Variants in TTBK1 observed in about 807,000 individuals in gnomAD.
TTBK1 encodes the protein tau tubulin kinase 1, also known as tau-tubulin kinase 1.
In TTBK1, 34 loss-of-function variants were observed where a neutral mutation model predicts 108.5. That is an observed-to-expected ratio of 0.31 (90% CI 0.24 to 0.42). The LOEUF (loss-of-function observed/expected upper bound fraction) is 0.42. TTBK1 is among the 10% of genes least tolerant of loss of function. The pLI is 1.00. For synonymous variants in TTBK1, 809 were observed against 795.1 expected, an observed-to-expected ratio of 1.02 and a Z score of -0.29; for missense variants, 1,539 against 1,826.0, an observed-to-expected ratio of 0.84 and a Z score of 2.86.
chr6:43,247,391 AGCGGG>A (rs1777122446), intron 2 of TTBK1, among the ~76,000 whole-genome samples: 1 of 151,976 alleles, frequency 6.6e-6, no homozygotes, highest in African/African-American at 2.4e-5. Flanking sequence ...CCTGCCTCGG[AGCGGG>A]GGCGTGAGGG....
chr6:43,252,941 A>G, intron 3 of TTBK1, 55 bp downstream of exon 3: 1 of 1,596,470 alleles, frequency 6.3e-7, no homozygotes, highest in African/African-American at 1.3e-5. Context: ...CCAGGGGCTA[A>G]GAGAGGTGAT....
In TTBK1 at chr6:43,285,346, A is replaced by G. The variant is rs577207903; in HGVS notation, c.3936A>G (p.Gly1312=). 17 of 1,283,642 alleles carry G rather than the reference A, an allele frequency of 1.3e-5. No homozygotes were observed. The highest frequency in any genetic ancestry group is 1.7e-5 in the Non-Finnish European group (17 of 1,020,114). 79.5% of individuals were successfully genotyped at this position (1,283,642 alleles called of 1,614,324 possible). The change falls in exon 15 of 15, where the codon GGA becomes GGG. Residue 1312 remains glycine, a synonymous_variant. Transcript: ENST00000259750. The surrounding 1 kb of genome is among the most constrained non-coding windows in gnomAD (Gnocchi z 4.7). ...AQRATTKGRA[G]GAEGRAGAR ...GCGCAACAACCAAAGGCCGGGCAGG[A>G]GGCGCGGAGGGCCGGGCTGGGGCCA... is the stretch of plus-strand genomic sequence containing the variant.
chr6:43,244,543 AT>A (rs914812758), intron 1 of TTBK1, among the ~76,000 whole-genome samples: 1 of 152,162 alleles, frequency 6.6e-6, no homozygotes, highest in Non-Finnish European at 1.5e-5. Context: ...CAAGTGTCCC[AT>A]GTTTGTATCA....
At chr6:43,251,939 T>C (rs1035663657) in intron 2 of TTBK1, among the ~76,000 whole-genome samples, 1 of 152,118 alleles carries the variant, frequency 6.6e-6, no homozygotes. Context: ...TGGTTGCCAA[T>C]CCCAGGAAGT....
chr6:43,250,350 T>A (rs1380723378), intron 2 of TTBK1, among the ~76,000 whole-genome samples: 3 of 63,074 alleles, frequency 4.8e-5, no homozygotes, highest in Admixed American at 2.9e-4. Flanking sequence ...TGGCTTTGCT[T>A]TTTTTTTTTT....
chr6:43,285,283 C>A lies in TTBK1; in HGVS notation c.3873C>A (p.Gly1291=). ...AQPDGTPSPG[G]SKKGPRGKLQ... The stretch of plus-strand genomic sequence containing the variant: ...CTGATGGCACCCCCTCCCCCGGGGG[C>A]TCCAAGAAAGGACCCAGAGGGAAAC... Residue 1291 remains glycine (G), a synonymous_variant, in exon 15 of 15, where the codon GGC becomes GGA. Coordinates refer to ENST00000259750, the MANE Select transcript of TTBK1 (RefSeq NM_032538.3). The surrounding 1 kb of genome is among the most constrained non-coding windows in gnomAD (Gnocchi z 4.7). The A allele has an allele frequency of 7.7e-7, 1 of 1,292,512 alleles. No individual in the cohort carries two copies. Among genetic ancestry groups the A allele is most frequent in the Non-Finnish European group, 9.8e-7 (1 of 1,024,058 alleles). 80.1% of individuals were successfully genotyped at this position (1,292,512 alleles called of 1,614,324 possible). A position where few individuals can be genotyped will look rare whatever the true frequency, so the allele number is the denominator to read the frequency against.
chr6:43,265,522 C>T lies in TTBK1; in HGVS notation c.1986+2172C>T, dbSNP rs1039290505. Among the ~76,000 whole-genome samples, 1 of 152,238 alleles carries T rather than the reference C, an allele frequency of 6.6e-6. No homozygotes were observed. The highest frequency in any genetic ancestry group is 1.5e-5 in the Non-Finnish European group (1 of 68,036). ...GGAGGAGCAGCCCTGGCAGACCTGG[C>T]AGTCAAGTGGGCTGGCACCATTGCG... On this transcript the variant is annotated intron_variant, in intron 13 of 14. Transcript: ENST00000259750. The surrounding 1 kb of genome is among the most constrained non-coding windows in gnomAD (Gnocchi z 4.1).
At chr6:43,274,928 C>T (rs905901580) in intron 13 of TTBK1, among the ~76,000 whole-genome samples, 1 of 152,122 alleles carries the variant, frequency 6.6e-6, no homozygotes, top group Non-Finnish European at 1.5e-5. Flanking sequence ...AGGACTCCTT[C>T]CTACAACCTT....
chr6:43,269,990 G>T lies in TTBK1; in HGVS notation c.1986+6640G>T, dbSNP rs1046398117. 71 of 1,429,418 alleles carry T rather than the reference G, an allele frequency of 5.0e-5. No individual in the cohort carries two copies. Among genetic ancestry groups the T allele is most frequent in the South Asian group, 3.4e-4 (23 of 67,462 alleles). 88.5% of individuals were successfully genotyped at this position (1,429,418 alleles called of 1,614,324 possible). ...CCTCCTGGAGGGGGCAGGTGGGGGG[G>T]GGTGGGGAGCAGGCAGAGGACCATG... On this transcript the variant is annotated intron_variant, in intron 13 of 14. Coordinates refer to ENST00000259750, the MANE Select transcript of TTBK1 (RefSeq NM_032538.3). The surrounding 1 kb of genome is among the most constrained non-coding windows in gnomAD (Gnocchi z 4.8).
Position 43,265,725 on chromosome 6 carries a change from G to A in TTBK1, c.1986+2375G>A, listed in dbSNP as rs1777658822. ...GCACAATAGGTTGTACCCGTAGGAA[G>A]TGCAGAGTCTAGGGAGGGTGACAGA... On this transcript the variant is annotated intron_variant, in intron 13 of 14. Coordinates refer to ENST00000259750, the MANE Select transcript of TTBK1 (RefSeq NM_032538.3). This position sits in a 1 kb window ranked among gnomAD's most constrained non-coding sequence, Gnocchi z 4.1. Among the ~76,000 whole-genome samples, 1 of 152,206 alleles carries A rather than the reference G, an allele frequency of 6.6e-6. No individual in the cohort carries two copies.
rs1388305259 is a variant in TTBK1 at position 43,259,355 on chromosome 6, A to C, written c.1248+86A>C. The C allele has an allele frequency of 6.8e-6, 9 of 1,331,698 alleles. No homozygotes were observed. The highest frequency in any genetic ancestry group is 9.2e-6 in the Non-Finnish European group (9 of 981,472). The allele number at this position is 1,331,698 out of a possible 1,614,324, so 82.5% of individuals were successfully genotyped here. Reference sequence around the variant, plus strand: ...TTGTGCCCCTGCCCTGTTCCTCCTAAGCACCCTGTCCCCGGCCATCTGCCT... The same window carrying C: ...TTGTGCCCCTGCCCTGTTCCTCCTACGCACCCTGTCCCCGGCCATCTGCCT... On this transcript the variant is annotated intron_variant, in intron 11 of 14. Transcript: ENST00000259750. This position sits in a 1 kb window ranked among gnomAD's most constrained non-coding sequence, Gnocchi z 6.7.
At chr6:43,261,575 G>A (rs1452891949) in intron 12 of TTBK1, among the ~76,000 whole-genome samples, 1 of 152,118 alleles carries the variant, frequency 6.6e-6, no homozygotes, top group Non-Finnish European at 1.5e-5. Context: ...AGCACTTTGG[G>A]AGGCCAAGGT....
intron 13 of TTBK1, chr6:43,272,200 G>GC (rs1011536936): frequency 2.0e-6 from 2 of 985,052 alleles, no homozygotes; most frequent in Non-Finnish European, 2.4e-6. Context: ...GTGGGCAAGG[G>GC]CCCCCCCACC....
In TTBK1 at chr6:43,255,572, C is replaced by T. The variant is rs774588989; in HGVS notation, c.663C>T (p.Asp221=). Reference sequence around the variant, plus strand: ...TCCAGGAGATGGGCCGCCACGACGACCTGTGGTCCCTCTTCTACATGCTGG... The same window carrying T: ...TCCAGGAGATGGGCCGCCACGACGATCTGTGGTCCCTCTTCTACATGCTGG... ...HKNREMGRHD[D]LWSLFYMLVE... The change falls in exon 8 of 15, where the codon GAC becomes GAT. Residue 221 remains aspartate (D), a synonymous_variant. Coordinates refer to ENST00000259750, the MANE Select transcript of TTBK1 (RefSeq NM_032538.3). The T allele has an allele frequency of 6.2e-6, 10 of 1,612,108 alleles. No homozygotes were observed. Among genetic ancestry groups the T allele is most frequent in the Non-Finnish European group, 8.5e-6 (10 of 1,179,172 alleles).
At position 43,253,444 on chromosome 6, in the gene TTBK1, C is replaced by G; in HGVS notation, c.330+80C>G. Reference sequence around the variant, plus strand: ...CCAGGGTAGGGGAAGGGAAGGTAGACTGTGGCCCTGGGAAAGGGCAGTGGG... The same window carrying G: ...CCAGGGTAGGGGAAGGGAAGGTAGAGTGTGGCCCTGGGAAAGGGCAGTGGG... On this transcript the variant is annotated intron_variant, in intron 4 of 14. Coordinates refer to ENST00000259750, the MANE Select transcript of TTBK1 (RefSeq NM_032538.3). This position sits in a 1 kb window ranked among gnomAD's most constrained non-coding sequence, Gnocchi z 5.8. 6.2e-7 allele frequency: 1 copy of G among 1,601,156 alleles called. No individual in the cohort carries two copies. Among genetic ancestry groups the G allele is most frequent in the Non-Finnish European group, 8.5e-7 (1 of 1,171,510 alleles).
In TTBK1 at chr6:43,285,339, G is replaced by A; in HGVS notation, c.3929G>A (p.Arg1310Gln). Residue 1310 changes from arginine to glutamine, a missense_variant, in exon 15 of 15, where the codon CGG becomes CAG. Physicochemically the swap from Arg to Gln is conservative, Grantham distance 43 (BLOSUM62 1). Transcript: ENST00000259750. This position sits in a 1 kb window ranked among gnomAD's most constrained non-coding sequence, Gnocchi z 4.7. ...LQAQRATTKGRAGGAEGRAGA... is the reference protein window; with the variant it reads ...LQAQRATTKGQAGGAEGRAGA... ...GCTCAGCGCGCAACAACCAAAGGCCGGGCAGGAGGCGCGGAGGGCCGGGCT... is the reference window on the plus strand; with the variant it reads ...GCTCAGCGCGCAACAACCAAAGGCCAGGCAGGAGGCGCGGAGGGCCGGGCT... 5 of 1,286,100 alleles carry A rather than the reference G, an allele frequency of 3.9e-6. No individual in the cohort carries two copies. Among genetic ancestry groups the A allele is most frequent in the Non-Finnish European group, 4.9e-6 (5 of 1,021,552 alleles). 79.7% of individuals were successfully genotyped at this position (1,286,100 alleles called of 1,614,324 possible). A position where few individuals can be genotyped will look rare whatever the true frequency, so the allele number is the denominator to read the frequency against.
intron 12 of TTBK1, among the ~76,000 whole-genome samples, chr6:43,261,183 G>C (rs1777531486): frequency 6.6e-6 from 1 of 152,176 alleles, no homozygotes; most frequent in Admixed American, 6.5e-5. Context: ...CGTAGGCTGG[G>C]GTGGTGGTAT....
chr6:43,270,303 G>T, intron 13 of TTBK1: 1 of 1,089,722 alleles, frequency 9.2e-7, no homozygotes, highest in Non-Finnish European at 1.1e-6. Flanking sequence ...AGGCCTGCAG[G>T]GCCAGAGGCA....
chr6:43,258,808 G>A (rs1777444693), intron 10 of TTBK1, among the ~76,000 whole-genome samples: 1 of 152,226 alleles, frequency 6.6e-6, no homozygotes, highest in Admixed American at 6.5e-5. Context: ...AGTCAACAGA[G>A]CTAGATGGCT....
Sources: allele counts gnomAD v4.1 joint callset (sites outside exome capture counted in the v4.1 genomes callset), GRCh38; gene constraint gnomAD v4.1.1; non-coding constraint Gnocchi (gnomAD v3.1); transcripts MANE v1.5; gene names NCBI Gene and HGNC (gene_info 2026-07-23, HGNC 2026-07-21).